The following CEP350 variants were observed in gnomAD, a reference collection of about 807,000 sequenced individuals.
CEP350 encodes centrosome-associated protein 350.
In CEP350, 126 loss-of-function variants were observed where a neutral mutation model predicts 331.8. The observed-to-expected ratio is 0.38, with a 90% CI of 0.33 to 0.44. The LOEUF (loss-of-function observed/expected upper bound fraction) is 0.44, where lower values mean the gene tolerates loss of function less well. CEP350 is among the 20% of genes least tolerant of loss of function. The probability of loss-of-function intolerance (pLI) is 1.00; values close to 1 mark genes in which losing one functional copy is unlikely to be tolerated. For missense variants in CEP350, 3,406 were observed against 3,634.6 expected, an observed-to-expected ratio of 0.94 and a Z score of 1.62; for synonymous variants, 1,200 against 1,259.5, an observed-to-expected ratio of 0.95 and a Z score of 1.00.
chr1:179,972,558 GCAGT>G (rs1420679919), intron 1 of CEP350, among the ~76,000 whole-genome samples: 2 of 152,168 alleles, frequency 1.3e-5, no homozygotes, highest in Admixed American at 1.3e-4. Flanking sequence ...AGGCTGGAGT[GCAGT>G]GGTGCAATAT....
intron 33 of CEP350, 81 bp downstream of exon 33, chr1:180,090,877 T>C: frequency 3.4e-6 from 4 of 1,170,790 alleles, no homozygotes; most frequent in Non-Finnish European, 4.5e-6. Flanking sequence ...TCTACCTCTA[T>C]AGCTTTTTTA....
intron 8 of CEP350, 59 bp downstream of exon 8, chr1:180,006,626 A>G (rs1654274844): frequency 3.4e-6 from 3 of 879,296 alleles, no homozygotes; most frequent in Admixed American, 2.2e-5. Context: ...TTTTCATTAT[A>G]CTTTAAGTTT....
intron 22 of CEP350, among the ~76,000 whole-genome samples, chr1:180,048,924 G>A (rs531931565): frequency 3.3e-5 from 5 of 152,202 alleles, no homozygotes; most frequent in African/African-American, 1.2e-4. Context: ...TTAAAAATTA[G>A]CCAGGCTTGG....
At chr1:179,985,106 ATTTCT>A (rs1432714329) in intron 1 of CEP350, among the ~76,000 whole-genome samples, 3 of 152,062 alleles carry the variant, frequency 2.0e-5, no homozygotes, top group East Asian at 1.9e-4. Context: ...CCATTTCCAG[ATTTCT>A]TTTCATTTTG....
Position 180,096,150 on chromosome 1 carries a change from G to T in CEP350, c.9032G>T (p.Arg3011Leu). 6.4e-7 allele frequency: 1 copy of T among 1,569,892 alleles called. No homozygotes were observed. Among genetic ancestry groups the T allele is most frequent in the South Asian group, 1.2e-5 (1 of 85,370 alleles). The part of the protein sequence containing the change: ...PCRINSSYFR[R>L]VKNPNNLDEI... ...AGAATCAACTCTAGTTATTTCCGACGAGTGAAAAATCCAAATAACCTTGAT... is the reference window on the plus strand; with the variant it reads ...AGAATCAACTCTAGTTATTTCCGACTAGTGAAAAATCCAAATAACCTTGAT... Residue 3011 changes from arginine (R) to leucine (L), a missense_variant, in exon 36 of 38, where the codon CGA (arginine) becomes CTA (leucine). Transcript: ENST00000367607.
intron 14 of CEP350, among the ~76,000 whole-genome samples, chr1:180,027,849 A>T (rs548082970): frequency 6.6e-6 from 1 of 152,274 alleles, no homozygotes; most frequent in East Asian, 1.9e-4. Flanking sequence ...AAAATCCTAG[A>T]GATAAGATAA....
At chr1:180,082,067 C>T (rs1659604510) in intron 30 of CEP350, among the ~76,000 whole-genome samples, 1 of 152,160 alleles carries the variant, frequency 6.6e-6, no homozygotes, top group Non-Finnish European at 1.5e-5. Flanking sequence ...CTCTTACTTA[C>T]CGGTGACTTT....
intron 37 of CEP350, among the ~76,000 whole-genome samples, chr1:180,104,153 C>G (rs1423786666): frequency 6.7e-6 from 1 of 149,928 alleles, no homozygotes; most frequent in Admixed American, 6.7e-5. Flanking sequence ...ACTTTTTTGG[C>G]ATTATCTTTA....
chr1:179,954,933 G>T lies in CEP350; in HGVS notation c.-223G>T, dbSNP rs775124253. 13 of 877,810 alleles carry T rather than the reference G, an allele frequency of 1.5e-5. No homozygotes were observed. Among genetic ancestry groups the T allele is most frequent in the Non-Finnish European group, 2.0e-5 (13 of 636,088 alleles). The allele number at this position is 877,810 out of a possible 1,614,324, so 54.4% of individuals were successfully genotyped here. On this transcript the variant is annotated 5_prime_UTR_variant, in exon 1 of 38. Coordinates refer to ENST00000367607, the MANE Select transcript of CEP350 (RefSeq NM_014810.5). ...CGCAGCTCGGGGGGTGGCTTGCCCT[G>T]AGGGAGGGGAGGCAGCCTTTCCGCC...
chr1:179,959,960 C>CTTGGAAACTG, intron 1 of CEP350, among the ~76,000 whole-genome samples: 2 of 152,108 alleles, frequency 1.3e-5, no homozygotes, highest in Non-Finnish European at 2.9e-5. Context: ...TTAATGTTGT[C>CTTGGAAACTG]CATAAGTACT....
At chr1:179,966,151 A>G (rs1054116278) in intron 1 of CEP350, among the ~76,000 whole-genome samples, 15 of 152,298 alleles carry the variant, frequency 9.8e-5, no homozygotes, top group Non-Finnish European at 2.2e-4. Context: ...ACGGAGCTGA[A>G]AGATTAGCAG....
At chr1:179,969,338 C>G in intron 1 of CEP350, 2 of 512,178 alleles carry the variant, frequency 3.9e-6, no homozygotes, top group Non-Finnish European at 3.9e-6. Context: ...TGTGTCAGCT[C>G]TGGAGTTTAA....
chr1:179,974,798 C>T (rs981717744), intron 1 of CEP350, among the ~76,000 whole-genome samples: 2 of 152,054 alleles, frequency 1.3e-5, no homozygotes, highest in African/African-American at 4.8e-5. Context: ...TGAAGAACAG[C>T]CTGAGCAACA....
At chr1:179,990,793 G>A (rs1653000534) in intron 4 of CEP350, among the ~76,000 whole-genome samples, 172 bp downstream of exon 4, 1 of 152,194 alleles carries the variant, frequency 6.6e-6, no homozygotes, top group Non-Finnish European at 1.5e-5. Flanking sequence ...CTGGCCTTAA[G>A]TAATCCTCTC....
intron 17 of CEP350, among the ~76,000 whole-genome samples, chr1:180,040,647 A>AAT (rs1553258298): frequency 6.0e-4 from 90 of 150,352 alleles, no homozygotes; most frequent in African/African-American, 1.3e-3. Flanking sequence ...TGAAAAAAAA[A>AAT]ATATATATAT....
At chr1:179,984,671 A>G (rs1652524002) in intron 1 of CEP350, among the ~76,000 whole-genome samples, 1 of 152,212 alleles carries the variant, frequency 6.6e-6, no homozygotes, top group Non-Finnish European at 1.5e-5. Flanking sequence ...ATTTTGAAGA[A>G]AGGAGTATCA....
intron 27 of CEP350, among the ~76,000 whole-genome samples, chr1:180,066,074 C>T (rs765866953): frequency 6.6e-6 from 1 of 152,066 alleles, no homozygotes; most frequent in South Asian, 2.1e-4. Flanking sequence ...AAAGTCTTAA[C>T]ATTCTTCTAA....
chr1:180,052,427 TAC>T (rs1209264705), intron 22 of CEP350: 5 of 317,324 alleles, frequency 1.6e-5, no homozygotes, highest in Non-Finnish European at 1.2e-5. Flanking sequence ...GTAGGGAAAA[TAC>T]AGTTTGAGCC....
intron 14 of CEP350, among the ~76,000 whole-genome samples, chr1:180,029,278 G>C (rs543728110): frequency 6.6e-6 from 1 of 152,012 alleles, no homozygotes; most frequent in Non-Finnish European, 1.5e-5. Flanking sequence ...ATGTTATCTT[G>C]TCTATAATTT....
Sources: allele counts gnomAD v4.1 joint callset (sites outside exome capture counted in the v4.1 genomes callset), GRCh38; gene constraint gnomAD v4.1.1; transcripts MANE v1.5; gene names NCBI Gene and HGNC (gene_info 2026-07-23, HGNC 2026-07-21).